TAFA1: variants seen among roughly 807,000 people sequenced by gnomAD.
TAFA1 encodes TAFA chemokine like family member 1.
A neutral mutation model predicts 18.5 loss-of-function variants in TAFA1; 4 were observed. The ratio of observed to expected loss-of-function variants is 0.22; its 90% CI spans 0.11 to 0.49. The LOEUF (loss-of-function observed/expected upper bound fraction) is 0.49. Among genes scored for constraint, TAFA1 ranks in the 20% least tolerant of loss-of-function variants. The probability of loss-of-function intolerance (pLI) is 0.98; values close to 1 mark genes in which losing one functional copy is unlikely to be tolerated. For missense variants in TAFA1, 147 were observed against 169.0 expected (o/e 0.87, Z 0.72); for synonymous variants, 56 against 55.2 (o/e 1.01, Z -0.06).
intron 2 of TAFA1, among the ~76,000 whole-genome samples, chr3:68,163,817 A>T (rs1456901225): frequency 6.6e-6 from 1 of 152,206 alleles, no homozygotes; most frequent in African/African-American, 2.4e-5. Context: ...TACTAGAAGG[A>T]TGGGAAGGAG....
chr3:68,452,880 C>T (rs1388099091), intron 3 of TAFA1, among the ~76,000 whole-genome samples: 1 of 152,112 alleles, frequency 6.6e-6, no homozygotes, highest in Non-Finnish European at 1.5e-5. Flanking sequence ...CTGAGTAGTT[C>T]CTAAACACTG....
chr3:68,363,131 T>C (rs2069501347), intron 2 of TAFA1, among the ~76,000 whole-genome samples: 1 of 152,096 alleles, frequency 6.6e-6, no homozygotes. Context: ...TTCCACTCAA[T>C]CCTTGGCTCA....
At chr3:68,478,031 G>T (rs1425051455) in intron 3 of TAFA1, among the ~76,000 whole-genome samples, 1 of 152,186 alleles carries the variant, frequency 6.6e-6, no homozygotes, top group Non-Finnish European at 1.5e-5. Flanking sequence ...AGGGGAAAGT[G>T]TTTTAAATCA....
chr3:68,479,017 G>A (rs1028999161), intron 3 of TAFA1, among the ~76,000 whole-genome samples: 1 of 150,346 alleles, frequency 6.7e-6, no homozygotes, highest in African/African-American at 2.4e-5. Flanking sequence ...TGGATCACGA[G>A]GTCAAGAGAT....
At chr3:68,327,439 G>A (rs1029679459) in intron 2 of TAFA1, among the ~76,000 whole-genome samples, 2 of 151,958 alleles carry the variant, frequency 1.3e-5, no homozygotes, top group Non-Finnish European at 2.9e-5. Flanking sequence ...TATAACTGAG[G>A]GGATACAACA....
intron 2 of TAFA1, among the ~76,000 whole-genome samples, chr3:68,025,006 A>G (rs1433406637): frequency 6.6e-6 from 1 of 152,142 alleles, no homozygotes; most frequent in Non-Finnish European, 1.5e-5. Context: ...GTTTTGGGGC[A>G]TACTGAAATT....
At chr3:68,209,490 ATTAAG>A (rs1334711176) in intron 2 of TAFA1, among the ~76,000 whole-genome samples, 7 of 152,058 alleles carry the variant, frequency 4.6e-5, no homozygotes, top group Middle Eastern at 3.2e-3. Context: ...CTTGTAGACA[ATTAAG>A]TTAAGAGGGT....
intron 2 of TAFA1, among the ~76,000 whole-genome samples, chr3:68,254,259 A>G (rs1447415190): frequency 6.6e-6 from 1 of 152,158 alleles, no homozygotes; most frequent in African/African-American, 2.4e-5. Flanking sequence ...AAAACACAGA[A>G]CATGAGAATT....
At chr3:68,078,849 T>A (rs2064859866) in intron 2 of TAFA1, among the ~76,000 whole-genome samples, 1 of 152,228 alleles carries the variant, frequency 6.6e-6, no homozygotes, top group African/African-American at 2.4e-5. Flanking sequence ...GAGGATTCCC[T>A]CTTTTTCTAT....
chr3:68,334,661 T>C (rs183897502), intron 2 of TAFA1, among the ~76,000 whole-genome samples: 149 of 152,248 alleles, frequency 9.8e-4, no homozygotes, highest in Non-Finnish European at 1.6e-3. Flanking sequence ...GTACCACATT[T>C]TGATTTTTGC....
intron 2 of TAFA1, among the ~76,000 whole-genome samples, chr3:68,352,115 T>C (rs262252): frequency 0.33 from 50,536 of 151,796 alleles, 9,115 homozygotes; most frequent in South Asian, 0.5. Flanking sequence ...GTGGGAGATC[T>C]GAGAAAAGTC....
intron 2 of TAFA1, among the ~76,000 whole-genome samples, chr3:68,040,972 T>C (rs1341108856): frequency 6.6e-6 from 1 of 152,206 alleles, no homozygotes; most frequent in Non-Finnish European, 1.5e-5. Flanking sequence ...TCCCTGCACA[T>C]TCATGGATTA....
At chr3:68,485,731 G>T (rs771150917) in intron 3 of TAFA1, among the ~76,000 whole-genome samples, 1 of 152,116 alleles carries the variant, frequency 6.6e-6, no homozygotes, top group Non-Finnish European at 1.5e-5. Context: ...TTGCCTGATG[G>T]TAGTTCACCA....
In TAFA1 at chr3:68,133,629, A is replaced by G. The variant is rs528671543; in HGVS notation, c.118+126885A>G. Among the ~76,000 whole-genome samples the G allele has an allele frequency of 2.0e-5, 3 of 152,254 alleles. No individual in the cohort carries two copies. In the South Asian group the frequency reaches 6.2e-4, roughly 32 times the overall value. ...TAGGTATTTTATTCTCTTTTTAGCA[A>G]TTGTGAATGGGAGTTCACTCATGAT... On this transcript the variant is annotated intron_variant, in intron 2 of 4. Transcript: ENST00000478136.
intron 2 of TAFA1, among the ~76,000 whole-genome samples, chr3:68,069,777 T>C (rs191474068): frequency 6.6e-6 from 1 of 152,200 alleles, no homozygotes; most frequent in Non-Finnish European, 1.5e-5. Context: ...GGCCAAAACA[T>C]AGGGGCTACA....
chr3:68,142,825 G>A (rs889048937), intron 2 of TAFA1, among the ~76,000 whole-genome samples: 1 of 152,076 alleles, frequency 6.6e-6, no homozygotes, highest in African/African-American at 2.4e-5. Flanking sequence ...AATTAAACAG[G>A]GTTGCCCTTC....
chr3:68,080,503 G>A (rs1461045532), intron 2 of TAFA1, among the ~76,000 whole-genome samples: 1 of 151,968 alleles, frequency 6.6e-6, no homozygotes, highest in Non-Finnish European at 1.5e-5. Flanking sequence ...TTTTAGGGCA[G>A]GCCTGGTGGT....
At chr3:67,999,287 C>CTGTGTGTGTGTGTGTG (rs796820506), upstream of TAFA1, among the ~76,000 whole-genome samples, 95,487 of 147,608 alleles carry the variant, frequency 0.65, 31,885 homozygotes, top group East Asian at 0.78. Flanking sequence ...CCCCCTCTCT[C>CTGTGTGTGTGTGTGTG]TGTGTGTGTG....
At chr3:68,032,821 C>A (rs959003520) in intron 2 of TAFA1, among the ~76,000 whole-genome samples, 1 of 152,142 alleles carries the variant, frequency 6.6e-6, no homozygotes, top group Non-Finnish European at 1.5e-5. Flanking sequence ...ACCTACAGAG[C>A]CAAGAATCTG....
Sources: gnomAD v4.1 joint callset for allele counts (sites outside exome capture counted in the v4.1 genomes callset) on GRCh38, gnomAD v4.1.1 for gene constraint, MANE v1.5 for transcripts, NCBI Gene and HGNC (gene_info 2026-07-23, HGNC 2026-07-21) for gene names.